The following RAB2A variants were observed in gnomAD, a reference collection of about 807,000 sequenced individuals.
RAB2A encodes RAB2A, member RAS oncogene family.
Under a neutral mutation model 32.5 loss-of-function variants are expected in RAB2A, and 7 were observed. The observed-to-expected ratio is 0.22, with a 90% confidence interval of 0.12 to 0.40. The LOEUF (loss-of-function observed/expected upper bound fraction) is 0.40, where lower values mean the gene tolerates loss of function less well. Among genes scored for constraint, RAB2A ranks in the 10% least tolerant of loss-of-function variants. The probability of loss-of-function intolerance (pLI) is 1.00; values close to 1 mark genes in which losing one functional copy is unlikely to be tolerated. For synonymous variants in RAB2A, 79 were observed against 85.2 expected, an observed-to-expected ratio of 0.93 and a Z score of 0.40; for missense variants, 108 against 260.7, an observed-to-expected ratio of 0.41 and a Z score of 4.03.
intron 1 of RAB2A, among the ~76,000 whole-genome samples, chr8:60,544,724 G>A (rs1325886108): frequency 6.6e-6 from 1 of 151,974 alleles, no homozygotes. Context: ...ACATGTGGAA[G>A]TGGAGCTCAG....
chr8:60,596,938 G>A (rs1428227103), intron 6 of RAB2A, among the ~76,000 whole-genome samples: 1 of 151,842 alleles, frequency 6.6e-6, no homozygotes, highest in Non-Finnish European at 1.5e-5. Context: ...ATAAAAGTGA[G>A]GAAACAACAG....
intron 1 of RAB2A, among the ~76,000 whole-genome samples, chr8:60,520,942 A>G (rs1393767909): frequency 6.6e-6 from 1 of 152,170 alleles, no homozygotes; most frequent in African/African-American, 2.4e-5. Flanking sequence ...TAAGTCTTCC[A>G]AGTAGCTGGG....
intron 1 of RAB2A, among the ~76,000 whole-genome samples, chr8:60,548,668 G>A (rs550989723): frequency 1.4e-5 from 2 of 147,442 alleles, no homozygotes; most frequent in African/African-American, 2.5e-5. Context: ...CCTCCCGGAC[G>A]GAGTGGCTGG....
At chr8:60,537,901 A>G (rs944061870) in intron 1 of RAB2A, among the ~76,000 whole-genome samples, 1 of 152,046 alleles carries the variant, frequency 6.6e-6, no homozygotes, top group African/African-American at 2.4e-5. Flanking sequence ...ACTGGTGTCA[A>G]ACTCCTGGCC....
At chr8:60,563,014 T>G (rs1191153124) in intron 2 of RAB2A, among the ~76,000 whole-genome samples, 1 of 149,990 alleles carries the variant, frequency 6.7e-6, no homozygotes, top group African/African-American at 2.5e-5. Context: ...CTTTCAGAGA[T>G]AAAAAAAAAA....
intron 1 of RAB2A, chr8:60,558,314 A>G (rs1807968692): frequency 2.3e-6 from 1 of 430,192 alleles, no homozygotes; most frequent in Non-Finnish European, 4.5e-6. Context: ...GGAGTCATTC[A>G]TGACCGTAAC....
intron 5 of RAB2A, among the ~76,000 whole-genome samples, chr8:60,586,732 G>A (rs776975275): frequency 2.0e-4 from 31 of 151,844 alleles, no homozygotes; most frequent in Non-Finnish European, 4.1e-4. Flanking sequence ...GCCTGAGAAT[G>A]TAGCAAGACC....
intron 6 of RAB2A, among the ~76,000 whole-genome samples, chr8:60,595,797 A>T (rs957840084): frequency 1.2e-4 from 19 of 152,234 alleles, no homozygotes; most frequent in Non-Finnish European, 2.6e-4. Flanking sequence ...TTAGGTGCTC[A>T]CAGAATATAT....
Position 60,620,775 on chromosome 8 carries a change from T to G in RAB2A, c.*6T>G, listed in dbSNP as rs1382131157. ...CTGGGGGCGGCTGCTGTTGAGTCTG[T>G]TTTTACTGTCTAGCTGCCCAACGGG... On this transcript the variant is annotated 3_prime_UTR_variant, in exon 8 of 8. Transcript: ENST00000262646. 1 of 1,611,626 alleles carries G rather than the reference T, an allele frequency of 6.2e-7. No individual in the cohort carries two copies. Among genetic ancestry groups the G allele is most frequent in the African/African-American group, 1.3e-5 (1 of 74,808 alleles).
In RAB2A at chr8:60,551,574, A is replaced by C. The variant is rs538493679; in HGVS notation, c.47-7278A>C. Among the ~76,000 whole-genome samples, 7 of 152,376 alleles carry C rather than the reference A, an allele frequency of 4.6e-5. No individual in the cohort carries two copies. In the East Asian group the frequency reaches 1.3e-3, roughly 29 times the overall value. On this transcript the variant is annotated intron_variant, in intron 1 of 7. Coordinates refer to ENST00000262646, the MANE Select transcript of RAB2A (RefSeq NM_002865.3). ...AGGTTAGGAAACTGAGGCACTAAAA[A>C]GATAACTACAGATGGTCTCTGTCTT...
chr8:60,581,130 A>G (rs1017358119), intron 3 of RAB2A, among the ~76,000 whole-genome samples: 1 of 152,256 alleles, frequency 6.6e-6, no homozygotes, highest in African/African-American at 2.4e-5. Flanking sequence ...ATCCCATAAC[A>G]GAGACGGCTG....
chr8:60,591,479 A>T (rs1221095314), intron 5 of RAB2A, among the ~76,000 whole-genome samples: 1 of 152,208 alleles, frequency 6.6e-6, no homozygotes, highest in Non-Finnish European at 1.5e-5. Flanking sequence ...ATAGAAACTC[A>T]GTCAGTCTGG....
At chr8:60,603,530 T>TGAAAAGA (rs1804174237) in intron 6 of RAB2A, among the ~76,000 whole-genome samples, 1 of 152,212 alleles carries the variant, frequency 6.6e-6, no homozygotes, top group Non-Finnish European at 1.5e-5. Context: ...AGAGGCAACG[T>TGAAAAGA]GGTAAATGAA....
intron 1 of RAB2A, among the ~76,000 whole-genome samples, chr8:60,546,413 G>A (rs1352140892): frequency 1.3e-5 from 2 of 152,178 alleles, no homozygotes; most frequent in East Asian, 3.8e-4. Context: ...AGATGTCCAT[G>A]GAGAAGCAGG....
At chr8:60,617,364 A>G (rs994729828) in intron 6 of RAB2A, among the ~76,000 whole-genome samples, 1 of 152,138 alleles carries the variant, frequency 6.6e-6, no homozygotes, top group Non-Finnish European at 1.5e-5. Flanking sequence ...TTCTTAAACT[A>G]TATACTAAAT....
intron 3 of RAB2A, among the ~76,000 whole-genome samples, chr8:60,574,123 G>A (rs1351842168): frequency 1.3e-5 from 2 of 152,140 alleles, no homozygotes; most frequent in African/African-American, 4.8e-5. Flanking sequence ...ATTGCTTGAA[G>A]TGCCGTTTTT....
chr8:60,603,418 C>T (rs1330847392), intron 6 of RAB2A, among the ~76,000 whole-genome samples: 4 of 152,184 alleles, frequency 2.6e-5, no homozygotes, highest in African/African-American at 7.2e-5. Flanking sequence ...TTTGTTCCAG[C>T]ACTAGCTGTG....
At chr8:60,528,487 G>T (rs1807425958) in intron 1 of RAB2A, among the ~76,000 whole-genome samples, 2 of 152,134 alleles carry the variant, frequency 1.3e-5, no homozygotes. Flanking sequence ...CCCTCTGTGT[G>T]TTCTAATATG....
intron 1 of RAB2A, among the ~76,000 whole-genome samples, chr8:60,555,378 A>G (rs1807920760): frequency 6.6e-6 from 1 of 152,212 alleles, no homozygotes; most frequent in Non-Finnish European, 1.5e-5. Flanking sequence ...AAATAGACAA[A>G]TGGGATTATA....
Sources: gnomAD v4.1 joint callset for allele counts (sites outside exome capture counted in the v4.1 genomes callset) on GRCh38, gnomAD v4.1.1 for gene constraint, MANE v1.5 for transcripts, NCBI Gene and HGNC (gene_info 2026-07-23, HGNC 2026-07-21) for gene names.